NRXN1: variants seen among roughly 807,000 people sequenced by gnomAD.
NRXN1 encodes the protein neurexin 1, also known as neurexin-1.
In NRXN1, 39 loss-of-function variants were observed where a neutral mutation model predicts 150.9. That is an observed-to-expected ratio of 0.26 (90% CI 0.20 to 0.34). The LOEUF is 0.34. Ranked by LOEUF, NRXN1 falls within the 10% of genes least tolerant of loss-of-function variation. The pLI is 1.00. For synonymous variants in NRXN1, 924 were observed against 757.0 expected, an observed-to-expected ratio of 1.22 and a Z score of -3.62; for missense variants, 1,815 against 1,949.9, an observed-to-expected ratio of 0.93 and a Z score of 1.30.
intron 18 of NRXN1, among the ~76,000 whole-genome samples, chr2:50,184,629 G>A (rs1350917163): frequency 6.6e-6 from 1 of 151,876 alleles, no homozygotes; most frequent in East Asian, 1.9e-4. Context: ...ATTTAAATTA[G>A]AAACACATTT....
At chr2:50,390,814 C>G (rs557899498) in intron 17 of NRXN1, among the ~76,000 whole-genome samples, 1 of 152,030 alleles carries the variant, frequency 6.6e-6, no homozygotes, top group Non-Finnish European at 1.5e-5. Context: ...CAGATGCTAG[C>G]CCCTTGCTTT....
rs527408667 is a variant in NRXN1, at chr2:50,565,136, C to T, written c.1321-12111G>A. 3.6e-3 allele frequency among the ~76,000 whole-genome samples: 546 copies of T among 152,120 alleles called. 2 individuals carry two copies. Among genetic ancestry groups the T allele is most frequent in the Non-Finnish European group, 5.4e-3 (368 of 68,000 alleles). ...GTCCAAGATTAAATGAATGCTAGAT[C>T]CAGGCAGCTCAGGTAGCTCAAGAAT... On this transcript the variant is annotated intron_variant, in intron 8 of 22. Transcript: ENST00000401669.
At chr2:50,752,752 T>C (rs1700745079) in intron 5 of NRXN1, among the ~76,000 whole-genome samples, 1 of 152,056 alleles carries the variant, frequency 6.6e-6, no homozygotes, top group Non-Finnish European at 1.5e-5. Flanking sequence ...CATTTTACTT[T>C]ATTCCAGAAT....
intron 19 of NRXN1, among the ~76,000 whole-genome samples, chr2:50,073,042 G>A (rs897468935): frequency 6.6e-6 from 1 of 152,110 alleles, no homozygotes; most frequent in Non-Finnish European, 1.5e-5. Context: ...TTTGTCTTCT[G>A]CTCTCTTTTG....
At chr2:50,334,423 TTC>T (rs2077051667) in intron 17 of NRXN1, among the ~76,000 whole-genome samples, 1 of 152,056 alleles carries the variant, frequency 6.6e-6, no homozygotes, top group African/African-American at 2.4e-5. Flanking sequence ...AAGATTGCCT[TTC>T]TCTCTATTTA....
Position 50,504,614 on chromosome 2 carries a change from T to G in NRXN1, c.2497+1881A>C, listed in dbSNP as rs527497869. On this transcript the variant is annotated intron_variant, in intron 13 of 22. Coordinates refer to ENST00000401669, the MANE Select transcript of NRXN1 (RefSeq NM_001330078.2). ...TTTCACCATTCTTTTGTTTTCATCC[T>G]GCTACATCCACCGCAGTACAGGACT... 3.3e-5 allele frequency among the ~76,000 whole-genome samples: 5 copies of G among 152,338 alleles called. No homozygotes were observed. In the South Asian group the frequency reaches 1.0e-3, roughly 32 times the overall value.
chr2:50,004,529 A>G (rs1190487528), intron 21 of NRXN1, among the ~76,000 whole-genome samples: 1 of 152,140 alleles, frequency 6.6e-6, no homozygotes, highest in Non-Finnish European at 1.5e-5. Flanking sequence ...TGGCATATTC[A>G]GCCTCATGGT....
At chr2:50,880,269 C>G (rs1042843239) in intron 5 of NRXN1, among the ~76,000 whole-genome samples, 42 of 151,868 alleles carry the variant, frequency 2.8e-4, no homozygotes, top group African/African-American at 9.7e-4. Flanking sequence ...TCCACTCACC[C>G]AGTATCAGGT....
chr2:50,234,614 G>C (rs2065252959), intron 18 of NRXN1, among the ~76,000 whole-genome samples: 1 of 152,050 alleles, frequency 6.6e-6, no homozygotes, highest in Non-Finnish European at 1.5e-5. Context: ...AATTTAATTT[G>C]ACCAGATTTG....
chr2:50,276,759 G>T (rs1338019404), intron 17 of NRXN1, among the ~76,000 whole-genome samples: 3 of 152,100 alleles, frequency 2.0e-5, no homozygotes, highest in African/African-American at 7.2e-5. Flanking sequence ...AGTCCTATAT[G>T]ATTTCCTTGC....
chr2:50,864,209 T>C (rs1017463041), intron 5 of NRXN1, among the ~76,000 whole-genome samples: 3 of 151,988 alleles, frequency 2.0e-5, no homozygotes, highest in African/African-American at 7.2e-5. Flanking sequence ...TTAAGAAATC[T>C]TTCCCAAAAC....
At chr2:50,682,260 T>C (rs1690517291) in intron 5 of NRXN1, among the ~76,000 whole-genome samples, 1 of 152,198 alleles carries the variant, frequency 6.6e-6, no homozygotes, top group Non-Finnish European at 1.5e-5. Flanking sequence ...GCAAGTAGCA[T>C]CTCTTTACTT....
At chr2:50,363,162 A>G (rs1338147466) in intron 17 of NRXN1, among the ~76,000 whole-genome samples, 3 of 152,244 alleles carry the variant, frequency 2.0e-5, no homozygotes, top group Non-Finnish European at 2.9e-5. Context: ...AGGCAATAAC[A>G]TTCAAAACAT....
intron 5 of NRXN1, among the ~76,000 whole-genome samples, chr2:50,797,184 A>AT (rs558547800): frequency 1.3e-3 from 193 of 152,074 alleles, no homozygotes; most frequent in African/African-American, 4.4e-3. Context: ...TTATTTTTAA[A>AT]TTTTTTTCCT....
intron 2 of NRXN1, among the ~76,000 whole-genome samples, chr2:50,936,388 T>C (rs1013181202): frequency 6.6e-6 from 1 of 152,166 alleles, no homozygotes; most frequent in African/African-American, 2.4e-5. Context: ...TATCTTGTAC[T>C]ACTAGAGAAA....
chr2:50,994,260 A>ACT (rs1204408511), intron 2 of NRXN1, among the ~76,000 whole-genome samples: 36 of 150,978 alleles, frequency 2.4e-4, no homozygotes, highest in African/African-American at 8.5e-4. Context: ...ACACACACAC[A>ACT]CTCTCTCTCT....
At chr2:50,949,283 G>A (rs1318496730) in intron 2 of NRXN1, among the ~76,000 whole-genome samples, 4 of 151,944 alleles carry the variant, frequency 2.6e-5, no homozygotes, top group Non-Finnish European at 5.9e-5. Context: ...TAGGGATTTA[G>A]TTAAACAAAA....
At chr2:50,052,103 C>T (rs1035589556) in intron 21 of NRXN1, among the ~76,000 whole-genome samples, 2 of 152,058 alleles carry the variant, frequency 1.3e-5, no homozygotes, top group African/African-American at 2.4e-5. Context: ...TTCTGGGAAA[C>T]ATGTTAATTC....
chr2:50,829,193 C>A lies in NRXN1; in HGVS notation c.832+92676G>T, dbSNP rs531553734. On this transcript the variant is annotated intron_variant, in intron 5 of 22. Transcript: ENST00000401669. ...AGATGGCAGCAGTACAGTCCAGCTT[C>A]GGCTTGGCATCAGAGGGAGACCGTG... 2.0e-5 allele frequency among the ~76,000 whole-genome samples: 3 copies of A among 151,868 alleles called. No homozygotes were observed. The South Asian group carries it at 6.3e-4, about 32-fold the overall frequency.
Sources: gnomAD v4.1 joint callset for allele counts (sites outside exome capture counted in the v4.1 genomes callset) on GRCh38, gnomAD v4.1.1 for gene constraint, MANE v1.5 for transcripts, NCBI Gene and HGNC (gene_info 2026-07-23, HGNC 2026-07-21) for gene names.